The following ZFAT variants were observed in gnomAD, a reference collection of about 807,000 sequenced individuals.
The protein encoded by ZFAT is zinc finger and AT-hook domain containing, also known as zinc finger protein ZFAT.
ZFAT carries 64 observed loss-of-function variants against 117.7 expected under a neutral mutation model. That is an observed-to-expected ratio of 0.54 (90% CI 0.44 to 0.67). ZFAT has a LOEUF of 0.67. ZFAT is among the 30% of genes least tolerant of loss of function. The probability of loss-of-function intolerance (pLI) is 0.00; values close to 1 mark genes in which losing one functional copy is unlikely to be tolerated. For synonymous variants in ZFAT, 679 were observed against 615.0 expected, an observed-to-expected ratio of 1.10 and a Z score of -1.54; for missense variants, 1,433 against 1,584.5, an observed-to-expected ratio of 0.90 and a Z score of 1.62.
At chr8:134,665,170 G>A (rs190249157) in intron 1 of ZFAT, among the ~76,000 whole-genome samples, 1 of 152,314 alleles carries the variant, frequency 6.6e-6, no homozygotes, top group Non-Finnish European at 1.5e-5. Context: ...ACTGGAATAT[G>A]AATTCATAGG....
chr8:134,603,575 T>A (rs1333762349), intron 5 of ZFAT, among the ~76,000 whole-genome samples: 1 of 152,252 alleles, frequency 6.6e-6, no homozygotes, highest in Non-Finnish European at 1.5e-5. Flanking sequence ...CACTAGGGAA[T>A]GACCCCTGGC....
intron 12 of ZFAT, among the ~76,000 whole-genome samples, chr8:134,523,330 A>C (rs975728008): frequency 1.3e-5 from 2 of 151,964 alleles, no homozygotes; most frequent in Non-Finnish European, 2.9e-5. Flanking sequence ...TTATCCACAA[A>C]CTAATGACTT....
intron 3 of ZFAT, among the ~76,000 whole-genome samples, chr8:134,632,458 C>G (rs1262836928): frequency 6.6e-6 from 1 of 152,106 alleles, no homozygotes; most frequent in Non-Finnish European, 1.5e-5. Context: ...CCCTTAATCC[C>G]CACCTTGTTA....
Position 134,658,419 on chromosome 8 carries a change from T to C in ZFAT, c.20-682A>G, listed in dbSNP as rs867232090. ...CTGCACACTGATGGCAATTAAGCAGTCTTGCTAGATTCTCTCAAATTACGC... is the reference window on the plus strand; with the variant it reads ...CTGCACACTGATGGCAATTAAGCAGCCTTGCTAGATTCTCTCAAATTACGC... On this transcript the variant is annotated intron_variant, in intron 1 of 15. Transcript: ENST00000377838. Among the ~76,000 whole-genome samples the C allele has an allele frequency of 7.9e-5, 12 of 151,884 alleles. No individual in the cohort carries two copies. In the South Asian group the frequency reaches 2.5e-3, roughly 32 times the overall value.
intron 3 of ZFAT, among the ~76,000 whole-genome samples, chr8:134,636,311 G>A (rs994494255): frequency 6.6e-6 from 1 of 152,140 alleles, no homozygotes; most frequent in African/African-American, 2.4e-5. Context: ...GAGTCTAAAC[G>A]CCCTTATCCA....
At chr8:134,713,793 C>T (rs1193269987), upstream of ZFAT, among the ~76,000 whole-genome samples, 1 of 152,172 alleles carries the variant, frequency 6.6e-6, no homozygotes, top group Admixed American at 6.5e-5. Flanking sequence ...AGCCCCTAAC[C>T]CTCACCCCCC....
the ZFAT span, among the ~76,000 whole-genome samples, chr8:134,781,786 A>C: frequency 6.6e-6 from 1 of 152,142 alleles, no homozygotes; most frequent in South Asian, 2.1e-4. Flanking sequence ...CTCAACGTGA[A>C]CGTGAGGAGG....
intron 11 of ZFAT, among the ~76,000 whole-genome samples, chr8:134,541,796 T>C (rs1368174168): frequency 6.6e-6 from 1 of 152,234 alleles, no homozygotes; most frequent in Non-Finnish European, 1.5e-5. Context: ...TGCCAAATCA[T>C]GCTGCCATTT....
At chr8:134,639,172 G>C (rs1830441962) in intron 2 of ZFAT, among the ~76,000 whole-genome samples, 1 of 152,228 alleles carries the variant, frequency 6.6e-6, no homozygotes, top group South Asian at 2.1e-4. Flanking sequence ...GAGATGGGCA[G>C]AACAGTCTGG....
At chr8:134,681,729 A>C (rs995569207) in intron 1 of ZFAT, among the ~76,000 whole-genome samples, 4 of 152,298 alleles carry the variant, frequency 2.6e-5, no homozygotes, top group African/African-American at 9.6e-5. Flanking sequence ...TGAGGAGAGG[A>C]GTAGGGTGGC....
intron 3 of ZFAT, 129 bp from the exon 4 acceptor site, chr8:134,610,784 A>AAAGAG: frequency 9.7e-7 from 1 of 1,032,730 alleles, no homozygotes; most frequent in Non-Finnish European, 1.4e-6. Flanking sequence ...CACGCAGACC[A>AAAGAG]CGGAATCACT....
intron 15 of ZFAT, among the ~76,000 whole-genome samples, chr8:134,481,682 T>C (rs1195770538): frequency 1.3e-5 from 2 of 152,058 alleles, no homozygotes; most frequent in African/African-American, 2.4e-5. Context: ...AGACTCCAAG[T>C]TCTCAGAACC....
chr8:134,819,797 A>C, the ZFAT span, among the ~76,000 whole-genome samples: 1 of 152,098 alleles, frequency 6.6e-6, no homozygotes, highest in Admixed American at 6.6e-5. Context: ...TTTTACATGT[A>C]ATTATTTCAA....
At chr8:134,674,702 A>T (rs1408718721) in intron 1 of ZFAT, 1 of 188,252 alleles carries the variant, frequency 5.3e-6, no homozygotes, top group Non-Finnish European at 1.1e-5. Context: ...AGACTGGGAG[A>T]CACCTCCCAG....
At chr8:134,545,646 G>T (rs1191914648) in intron 11 of ZFAT, among the ~76,000 whole-genome samples, 3 of 152,152 alleles carry the variant, frequency 2.0e-5, no homozygotes, top group African/African-American at 7.2e-5. Context: ...TCTAAACAAG[G>T]TGCTTTAGCG....
the ZFAT span, among the ~76,000 whole-genome samples, chr8:134,773,984 AT>A: frequency 3.6e-3 from 370 of 103,202 alleles, no homozygotes; most frequent in African/African-American, 3.9e-3. Flanking sequence ...TTGAGGATTA[AT>A]TTTTTTTTTT....
At chr8:134,657,458 A>G in intron 2 of ZFAT, 103 bp downstream of exon 2, 3 of 1,234,008 alleles carry the variant, frequency 2.4e-6, no homozygotes, top group Non-Finnish European at 2.2e-6. Context: ...GTGACTTCTG[A>G]TTTGGAAATG....
intron 1 of ZFAT, among the ~76,000 whole-genome samples, chr8:134,675,175 C>T (rs923269725): frequency 2.0e-5 from 3 of 152,152 alleles, no homozygotes; most frequent in African/African-American, 7.2e-5. Context: ...GGAGCATGTT[C>T]TAACCCAATG....
At chr8:134,710,814 C>T (rs1289913470) in intron 1 of ZFAT, among the ~76,000 whole-genome samples, 2 of 152,238 alleles carry the variant, frequency 1.3e-5, no homozygotes, top group Non-Finnish European at 2.9e-5. Context: ...ATCTCAGCCA[C>T]ACATATGGGC....
Sources: gnomAD v4.1 joint callset for allele counts (sites outside exome capture counted in the v4.1 genomes callset) on GRCh38, gnomAD v4.1.1 for gene constraint, MANE v1.5 for transcripts, NCBI Gene and HGNC (gene_info 2026-07-23, HGNC 2026-07-21) for gene names.